COL4A3: variants seen among roughly 807,000 people sequenced by gnomAD.
The protein encoded by COL4A3 is collagen alpha-3(IV) chain.
Under a neutral mutation model 217.4 loss-of-function variants are expected in COL4A3, and 135 were observed. The observed-to-expected ratio is 0.62, with a 90% CI of 0.54 to 0.72. The LOEUF is 0.72. Among genes scored for constraint, COL4A3 ranks in the 30% least tolerant of loss-of-function variants. The probability of loss-of-function intolerance (pLI) is 0.00; values close to 1 mark genes in which losing one functional copy is unlikely to be tolerated. For synonymous variants in COL4A3, 690 were observed against 736.3 expected (o/e 0.94, Z 1.02); for missense variants, 1,868 against 2,119.9 (o/e 0.88, Z 2.33).
chr2:227,244,166 A>G (rs914338865), intron 3 of COL4A3, among the ~76,000 whole-genome samples, 154 bp from the exon 4 acceptor site: 2 of 152,190 alleles, frequency 1.3e-5, no homozygotes, highest in African/African-American at 2.4e-5. Context: ...TCAAGTTCCA[A>G]TGAAATAAGC....
intron 19 of COL4A3, among the ~76,000 whole-genome samples, chr2:227,260,256 G>A (rs2070469042): frequency 6.6e-6 from 1 of 152,208 alleles, no homozygotes; most frequent in Non-Finnish European, 1.5e-5. Flanking sequence ...CTGGTTTCCT[G>A]ATGCTTGAAG....
intron 1 of COL4A3, among the ~76,000 whole-genome samples, chr2:227,186,626 G>A (rs2066042787): frequency 6.6e-6 from 1 of 152,196 alleles, no homozygotes; most frequent in Non-Finnish European, 1.5e-5. Context: ...GGGGTAAGTA[G>A]GCTCCACCAT....
intron 38 of COL4A3, 184 bp from the exon 39 acceptor site, chr2:227,294,306 C>T: frequency 3.1e-6 from 2 of 654,646 alleles, no homozygotes; most frequent in East Asian, 5.4e-5. Flanking sequence ...TTAGACACAT[C>T]TCTGCACTGG....
rs141554668 is a variant in COL4A3 at position 227,247,514 on chromosome 2, C to T, written c.442-44C>T. 27 of 1,600,400 alleles carry T rather than the reference C, an allele frequency of 1.7e-5. 1 individual carries two copies. The highest frequency in any genetic ancestry group is 1.5e-4 in the African/African-American group (11 of 74,712). ...AGAGCAGACCGAGTAGGAGTGTGTG[C>T]GTTTGATATTCCTCTAGTTGTTCAT... On this transcript the variant is annotated intron_variant, in intron 7 of 51. Coordinates refer to ENST00000396578, the MANE Select transcript of COL4A3 (RefSeq NM_000091.5).
intron 1 of COL4A3, among the ~76,000 whole-genome samples, chr2:227,220,674 T>C (rs9753265): frequency 0.25 from 38,041 of 151,112 alleles, 5,561 homozygotes; most frequent in East Asian, 0.58. Context: ...CTATGTTGCA[T>C]AGGCTGGTCT....
At chr2:227,224,492 C>T (rs1225264864) in intron 1 of COL4A3, among the ~76,000 whole-genome samples, 4 of 152,242 alleles carry the variant, frequency 2.6e-5, no homozygotes, top group Admixed American at 6.5e-5. Context: ...AGCTCATGCC[C>T]GTAATCCCAG....
chr2:227,193,330 A>G (rs900745311), intron 1 of COL4A3, among the ~76,000 whole-genome samples: 4 of 152,236 alleles, frequency 2.6e-5, no homozygotes, highest in Admixed American at 1.3e-4. Context: ...TGCATTTTAA[A>G]TCTTTTTCCT....
intron 1 of COL4A3, among the ~76,000 whole-genome samples, chr2:227,205,681 A>G (rs2067074357): frequency 6.6e-6 from 1 of 151,790 alleles, no homozygotes; most frequent in Non-Finnish European, 1.5e-5. Flanking sequence ...CTTAAAACCC[A>G]TATGACTATA....
intron 9 of COL4A3, among the ~76,000 whole-genome samples, chr2:227,249,572 T>G (rs1050779480): frequency 6.6e-6 from 1 of 152,046 alleles, no homozygotes; most frequent in African/African-American, 2.4e-5. Flanking sequence ...TTCAGAATTA[T>G]ATGTAAAAAT....
intron 1 of COL4A3, among the ~76,000 whole-genome samples, chr2:227,195,978 T>A (rs1189514272): frequency 6.6e-6 from 1 of 151,880 alleles, no homozygotes; most frequent in Non-Finnish European, 1.5e-5. Context: ...GCTTATAGAA[T>A]AAGGATAAAG....
intron 9 of COL4A3, among the ~76,000 whole-genome samples, chr2:227,249,230 A>ATTT (rs1247683938): frequency 0.011 from 155 of 14,694 alleles, 27 homozygotes; most frequent in East Asian, 0.042. Flanking sequence ...ATATATATAT[A>ATTT]TTTTTTTTTT....
chr2:227,165,822 A>G (rs2065243882), intron 1 of COL4A3, among the ~76,000 whole-genome samples: 1 of 151,942 alleles, frequency 6.6e-6, no homozygotes, highest in African/African-American at 2.4e-5. Context: ...AATTAAATGA[A>G]GACATTGCAG....
chr2:227,282,174 A>G lies in COL4A3; in HGVS notation c.2489-191A>G, dbSNP rs1057386514. 6.6e-6 allele frequency among the ~76,000 whole-genome samples: 1 copy of G among 151,930 alleles called. No individual in the cohort carries two copies. Among genetic ancestry groups the G allele is most frequent in the African/African-American group, 2.4e-5 (1 of 41,334 alleles). The stretch of plus-strand genomic sequence containing the variant: ...GTAGTCCCAGCTATTTGGGAGGCTG[A>G]CGCAGGAGAATCACTTGAACCAGGG... On this transcript the variant is annotated intron_variant, in intron 31 of 51. Coordinates refer to ENST00000396578, the MANE Select transcript of COL4A3 (RefSeq NM_000091.5). This position sits in a 1 kb window ranked among gnomAD's most constrained non-coding sequence, Gnocchi z 4.4.
chr2:227,225,632 T>C (rs13396406), intron 1 of COL4A3, among the ~76,000 whole-genome samples: 12,683 of 150,770 alleles, frequency 0.084, 831 homozygotes, highest in African/African-American at 0.18. Context: ...AAGAACGAGG[T>C]AGAGATTTTT....
intron 28 of COL4A3, among the ~76,000 whole-genome samples, chr2:227,278,727 TG>T (rs1310414563): frequency 6.6e-6 from 1 of 152,200 alleles, no homozygotes; most frequent in African/African-American, 2.4e-5. Flanking sequence ...ATTGACTCTC[TG>T]GAAGAAGACT....
At chr2:227,174,557 AG>A (rs2065606699) in intron 1 of COL4A3, among the ~76,000 whole-genome samples, 1 of 152,026 alleles carries the variant, frequency 6.6e-6, no homozygotes, top group Non-Finnish European at 1.5e-5. Context: ...CCCAGGTTGG[AG>A]TGCAGTGGCG....
intron 26 of COL4A3, among the ~76,000 whole-genome samples, chr2:227,274,701 G>A (rs2126001545): frequency 6.6e-6 from 1 of 152,198 alleles, no homozygotes; most frequent in East Asian, 1.9e-4. Flanking sequence ...GTTTCACCAT[G>A]TTGGCCAGGC....
Position 227,289,150 on chromosome 2 carries a change from G to C in COL4A3, c.2882G>C (p.Gly961Ala), listed in dbSNP as rs1357390455. ...GTTAATACCTGGTTTCTAACTTCAG[G>C]ATTCGCAGGAAATCCAGGTGAGAAA... is the stretch of plus-strand genomic sequence containing the variant. Reference protein sequence around the residue: ...IGDKGEPGLKGFAGNPGEKGN... With the variant: ...IGDKGEPGLKAFAGNPGEKGN... The change falls in exon 35 of 52, where the codon GGA (glycine) becomes GCA (alanine). Residue 961 changes from glycine to alanine, a missense_variant and splice_region_variant. Transcript: ENST00000396578. 2 of 1,612,450 alleles carry C rather than the reference G, an allele frequency of 1.2e-6. No homozygotes were observed. Among genetic ancestry groups the C allele is most frequent in the Non-Finnish European group, 1.7e-6 (2 of 1,179,194 alleles).
intron 5 of COL4A3, 26 bp downstream of exon 5, chr2:227,245,021 T>A (rs541607664): frequency 1.2e-6 from 2 of 1,604,742 alleles, no homozygotes; most frequent in Non-Finnish European, 8.5e-7. Context: ...AATCCGTAGC[T>A]AGAAAATTTA....
Sources: gnomAD v4.1 joint callset for allele counts (sites outside exome capture counted in the v4.1 genomes callset) on GRCh38, gnomAD v4.1.1 for gene constraint, Gnocchi (gnomAD v3.1) non-coding constraint, MANE v1.5 for transcripts, NCBI Gene and HGNC (gene_info 2026-07-23, HGNC 2026-07-21) for gene names.